Variants in LRBA observed in about 807,000 individuals in gnomAD.
LRBA encodes the protein lipopolysaccharide-responsive and beige-like anchor protein.
A neutral mutation model predicts 330.0 loss-of-function variants in LRBA; 176 were observed. The ratio of observed to expected loss-of-function variants is 0.53; its 90% CI spans 0.47 to 0.60. The LOEUF (loss-of-function observed/expected upper bound fraction) is 0.60. Among genes scored for constraint, LRBA ranks in the 20% least tolerant of loss-of-function variants. The pLI is 0.00. For missense variants in LRBA, 3,259 were observed against 3,444.8 expected (o/e 0.95, Z 1.35); for synonymous variants, 1,230 against 1,193.0 (o/e 1.03, Z -0.64).
chr4:150,881,279 C>G (rs946639016), intron 17 of LRBA, among the ~76,000 whole-genome samples: 1 of 152,118 alleles, frequency 6.6e-6, no homozygotes, highest in Admixed American at 6.5e-5. Flanking sequence ...TTTCTATCAA[C>G]GGTAGATTGG....
intron 2 of LRBA, among the ~76,000 whole-genome samples, chr4:150,995,686 A>G (rs1742556134): frequency 6.6e-6 from 1 of 152,154 alleles, no homozygotes; most frequent in Non-Finnish European, 1.5e-5. Context: ...AGGAAGTACA[A>G]AAGGGCCATG....
At position 150,583,701 on chromosome 4, in the gene LRBA, G is replaced by A. The variant is rs779979449; in HGVS notation, c.6330+4347C>T. ...ACTCGCTGACCGGCAAGCAGAGCTC[G>A]GCAGAGAGCGACGCCTGGGTGCTAC... On this transcript the variant is annotated intron_variant, in intron 40 of 56. Transcript: ENST00000651943. This position sits in a 1 kb window ranked among gnomAD's most constrained non-coding sequence, Gnocchi z 9.8. 1 of 1,613,496 alleles carries A rather than the reference G, an allele frequency of 6.2e-7. No homozygotes were observed. The highest frequency in any genetic ancestry group is 2.2e-5 in the East Asian group (1 of 44,846).
intron 47 of LRBA, among the ~76,000 whole-genome samples, chr4:150,351,199 G>T (rs1323543440): frequency 7.2e-5 from 11 of 152,096 alleles, no homozygotes; most frequent in Admixed American, 7.2e-4. Context: ...ATAATGTTTG[G>T]TGAATTTAAT....
chr4:150,828,232 C>A lies in LRBA; in HGVS notation c.5119G>T (p.Ala1707Ser). The A allele has an allele frequency of 6.2e-7, 1 of 1,614,126 alleles. No homozygotes were observed. The highest frequency in any genetic ancestry group is 1.1e-5 in the South Asian group (1 of 91,082). ...PALLPPACLG[A>S]LGDLSVEQPV... ...TGTTCCACAGATAGATCACCAAGGG[C>A]TCCAAGGCAGGCTGGTGGCAGAAGG... Residue 1707 changes from alanine to serine, a missense_variant, in exon 30 of 57, where the codon GCC becomes TCC. Transcript: ENST00000651943.
At chr4:150,566,243 T>G (rs968770190) in intron 40 of LRBA, among the ~76,000 whole-genome samples, 2 of 152,032 alleles carry the variant, frequency 1.3e-5, no homozygotes, top group South Asian at 2.1e-4. Context: ...AATAAAAGTT[T>G]AAAAATCATA....
intron 2 of LRBA, among the ~76,000 whole-genome samples, chr4:150,990,964 G>C (rs1025073410): frequency 1.3e-5 from 2 of 151,546 alleles, no homozygotes; most frequent in Admixed American, 1.3e-4. Context: ...CTGAACCAGG[G>C]AGGCGCTGAA....
chr4:150,721,289 C>T (rs184363130), intron 36 of LRBA: 3 of 354,704 alleles, frequency 8.5e-6, no homozygotes, highest in Non-Finnish European at 1.6e-5. Flanking sequence ...CTGATGAATT[C>T]TTCATACCCT....
chr4:150,999,183 C>T (rs1318850764), intron 2 of LRBA, among the ~76,000 whole-genome samples: 1 of 152,084 alleles, frequency 6.6e-6, no homozygotes, highest in Non-Finnish European at 1.5e-5. Context: ...ACTTCCATTA[C>T]AACTGCTGAA....
At chr4:150,551,591 C>T (rs1195642094) in intron 40 of LRBA, among the ~76,000 whole-genome samples, 1 of 151,818 alleles carries the variant, frequency 6.6e-6, no homozygotes, top group African/African-American at 2.4e-5. Flanking sequence ...TCACTAAAAC[C>T]AGAGAGGTCA....
chr4:150,884,842 G>A (rs1214414686), intron 17 of LRBA, among the ~76,000 whole-genome samples: 1 of 151,860 alleles, frequency 6.6e-6, no homozygotes, highest in East Asian at 1.9e-4. Flanking sequence ...AACTTGTAAG[G>A]TCCAAATGTT....
At chr4:150,638,090 T>TTAATTATTTTTTTTTTTG (rs1778104998) in intron 37 of LRBA, among the ~76,000 whole-genome samples, 1 of 148,886 alleles carries the variant, frequency 6.7e-6, no homozygotes, top group Non-Finnish European at 1.5e-5. Flanking sequence ...TACAATTTCT[T>TTAATTATTTTTTTTTTTG]TAATTATTTT....
At chr4:150,445,377 C>CTCTCTATATA (rs1454079183) in intron 44 of LRBA, among the ~76,000 whole-genome samples, 1 of 78,634 alleles carries the variant, frequency 1.3e-5, no homozygotes, top group Non-Finnish European at 2.5e-5. Flanking sequence ...CTCTCTCTCT[C>CTCTCTATATA]TATATATATA....
At chr4:150,776,169 T>C (rs1737302203) in intron 34 of LRBA, among the ~76,000 whole-genome samples, 1 of 152,160 alleles carries the variant, frequency 6.6e-6, no homozygotes. Flanking sequence ...CAGTAATTCA[T>C]GGCTGGGTGC....
At chr4:150,971,155 G>T (rs966522437) in intron 2 of LRBA, among the ~76,000 whole-genome samples, 4 of 152,158 alleles carry the variant, frequency 2.6e-5, no homozygotes, top group Non-Finnish European at 5.9e-5. Flanking sequence ...GCAACCCTTA[G>T]AGGCAATGTA....
intron 44 of LRBA, among the ~76,000 whole-genome samples, chr4:150,456,538 T>C (rs1754091935): frequency 6.6e-6 from 1 of 152,160 alleles, no homozygotes; most frequent in Admixed American, 6.6e-5. Flanking sequence ...GTTTTTCCTA[T>C]AGACCTGCTT....
intron 46 of LRBA, among the ~76,000 whole-genome samples, chr4:150,434,481 C>G (rs567086680): frequency 1.4e-4 from 22 of 152,208 alleles, no homozygotes; most frequent in African/African-American, 5.1e-4. Flanking sequence ...ATTTCAAGAA[C>G]GGGTACATAG....
chr4:150,628,804 A>G (rs1285242470), intron 37 of LRBA, among the ~76,000 whole-genome samples: 1 of 152,202 alleles, frequency 6.6e-6, no homozygotes, highest in Non-Finnish European at 1.5e-5. Context: ...AGCTACTGTT[A>G]ATGTCATTTC....
At chr4:150,384,833 C>G (rs1028191524) in intron 47 of LRBA, among the ~76,000 whole-genome samples, 2 of 151,350 alleles carry the variant, frequency 1.3e-5, no homozygotes, top group Admixed American at 6.6e-5. Context: ...TGATTCTGAT[C>G]TATAATTATC....
intron 47 of LRBA, among the ~76,000 whole-genome samples, chr4:150,373,166 T>TGAGAGAGAGA (rs1292822061): frequency 5.7e-5 from 7 of 122,344 alleles, no homozygotes; most frequent in African/African-American, 1.7e-4. Context: ...TGTGTGTGTG[T>TGAGAGAGAGA]GTGTGTGAGA....
Sources: allele counts gnomAD v4.1 joint callset (sites outside exome capture counted in the v4.1 genomes callset), GRCh38; gene constraint gnomAD v4.1.1; non-coding constraint Gnocchi (gnomAD v3.1); transcripts MANE v1.5; gene names NCBI Gene and HGNC (gene_info 2026-07-23, HGNC 2026-07-21).